Variants in FLACC1 observed in about 807,000 individuals in gnomAD.
The protein encoded by FLACC1 is flagellum-associated coiled-coil domain-containing protein 1.
In FLACC1, 66 loss-of-function variants were observed where a neutral mutation model predicts 62.8. The observed-to-expected ratio is 1.05, with a 90% confidence interval of 0.86 to 1.29. FLACC1 has a LOEUF of 1.29. FLACC1 is among the 50% of genes most tolerant of loss of function. The pLI is 0.00. For missense variants in FLACC1, 452 were observed against 489.1 expected, an observed-to-expected ratio of 0.92 and a Z score of 0.71; for synonymous variants, 156 against 161.0, an observed-to-expected ratio of 0.97 and a Z score of 0.24.
intron 6 of FLACC1, 107 bp from the exon 7 acceptor site, chr2:201,342,538 T>C (rs2125610760): frequency 9.1e-7 from 1 of 1,097,492 alleles, no homozygotes; most frequent in Non-Finnish European, 1.4e-6. Context: ...CGCCTTCCAA[T>C]TCATGGGGCA....
chr2:201,342,858 A>G (rs1950839346), intron 6 of FLACC1, among the ~76,000 whole-genome samples: 1 of 152,234 alleles, frequency 6.6e-6, no homozygotes, highest in South Asian at 2.1e-4. Context: ...CCTTCGAGGA[A>G]CTTAAAATCT....
chr2:201,313,876 C>T (rs573987204), intron 9 of FLACC1, among the ~76,000 whole-genome samples: 5 of 152,338 alleles, frequency 3.3e-5, no homozygotes, highest in African/African-American at 1.2e-4. Context: ...ACAGATGGTT[C>T]ACATCACAGG....
chr2:201,343,996 A>G (rs922982990), intron 6 of FLACC1, among the ~76,000 whole-genome samples, 174 bp downstream of exon 6: 1 of 152,262 alleles, frequency 6.6e-6, no homozygotes, highest in South Asian at 2.1e-4. Flanking sequence ...AATTACAGAT[A>G]AAGATGTCAG....
At chr2:201,336,952 CTTCTT>C (rs1950708063) in intron 7 of FLACC1, among the ~76,000 whole-genome samples, 2 of 152,116 alleles carry the variant, frequency 1.3e-5, no homozygotes, top group African/African-American at 4.8e-5. Context: ...TAAGAAATGT[CTTCTT>C]TTAAGAAATG....
chr2:201,355,440 ACAAT>A lies in FLACC1; in HGVS notation c.-48+1538_-48+1541del, dbSNP rs901211117. On this transcript the variant is annotated intron_variant, in intron 1 of 14. Coordinates refer to ENST00000392257, the MANE Select transcript of FLACC1 (RefSeq NM_001127391.3). ...AGCAGAGGTAAATTGTATGGGTGAT[ACAAT>A]CACTCAGTGGAGTTTTACATAGATT... Among the ~76,000 whole-genome samples, 48 of 152,344 alleles carry A rather than the reference ACAAT, an allele frequency of 3.2e-4. 1 individual carries two copies. The highest frequency in any genetic ancestry group is 1.1e-3 in the African/African-American group (45 of 41,578).
chr2:201,295,345 A>G (rs1487673446), intron 12 of FLACC1, among the ~76,000 whole-genome samples: 1 of 152,210 alleles, frequency 6.6e-6, no homozygotes, highest in Admixed American at 6.5e-5. Context: ...CAGAGCCCTC[A>G]GAAATAATGC....
At chr2:201,309,010 T>G in intron 10 of FLACC1, 141 bp downstream of exon 10, 1 of 702,088 alleles carries the variant, frequency 1.4e-6, no homozygotes, top group Non-Finnish European at 2.5e-6. Context: ...ATGAAAACTC[T>G]GGGCACCTTC....
chr2:201,338,122 G>A (rs1216596555), intron 7 of FLACC1, among the ~76,000 whole-genome samples: 1 of 151,992 alleles, frequency 6.6e-6, no homozygotes, highest in Non-Finnish European at 1.5e-5. Context: ...CACCTTTTTG[G>A]TTAAATTTAT....
chr2:201,352,309 TAC>T (rs1951042974), intron 1 of FLACC1, among the ~76,000 whole-genome samples: 2 of 152,200 alleles, frequency 1.3e-5, no homozygotes, highest in Admixed American at 1.3e-4. Flanking sequence ...CTTCTTGAAT[TAC>T]AGAGTGGAAA....
intron 11 of FLACC1, among the ~76,000 whole-genome samples, chr2:201,301,002 A>G (rs1243591379): frequency 6.6e-6 from 1 of 152,246 alleles, no homozygotes; most frequent in Admixed American, 6.5e-5. Flanking sequence ...TGAAAATTTT[A>G]AAAATCAGAG....
intron 8 of FLACC1, 103 bp downstream of exon 8, chr2:201,330,633 G>T (rs1950574632): frequency 1.3e-6 from 2 of 1,523,372 alleles, no homozygotes; most frequent in Admixed American, 3.6e-5. Context: ...CATCACCAAG[G>T]TAGTAAAACC....
intron 14 of FLACC1, among the ~76,000 whole-genome samples, chr2:201,289,094 G>A (rs1217307564): frequency 6.6e-6 from 1 of 152,206 alleles, no homozygotes; most frequent in Non-Finnish European, 1.5e-5. Flanking sequence ...ATTTCCATAG[G>A]AACCAGAAGC....
chr2:201,293,106 A>C (rs1274137607), intron 12 of FLACC1, among the ~76,000 whole-genome samples: 2 of 152,188 alleles, frequency 1.3e-5, no homozygotes, highest in Non-Finnish European at 2.9e-5. Context: ...AACATTAGAC[A>C]GCTCCACGAG....
At chr2:201,290,309 T>C (rs958036491) in intron 12 of FLACC1, among the ~76,000 whole-genome samples, 1 of 152,124 alleles carries the variant, frequency 6.6e-6, no homozygotes, top group Non-Finnish European at 1.5e-5. Flanking sequence ...TGCATCCACA[T>C]TGGCTCATCA....
intron 11 of FLACC1, among the ~76,000 whole-genome samples, chr2:201,303,711 C>T (rs903444344): frequency 3.3e-5 from 5 of 152,204 alleles, no homozygotes; most frequent in African/African-American, 1.2e-4. Flanking sequence ...TCCAGGATCA[C>T]ATCAAAGAGC....
chr2:201,324,265 G>A (rs2125585335), intron 9 of FLACC1, among the ~76,000 whole-genome samples: 1 of 152,144 alleles, frequency 6.6e-6, no homozygotes, highest in South Asian at 2.1e-4. Context: ...AGACAAAGAT[G>A]GTCAATATAA....
chr2:201,333,700 C>T (rs1950638891), intron 7 of FLACC1, among the ~76,000 whole-genome samples: 1 of 152,026 alleles, frequency 6.6e-6, no homozygotes, highest in Non-Finnish European at 1.5e-5. Flanking sequence ...TGATGGTTTC[C>T]AGCTTCACCC....
chr2:201,293,775 C>T (rs1445613717), intron 12 of FLACC1, among the ~76,000 whole-genome samples: 1 of 150,428 alleles, frequency 6.6e-6, no homozygotes, highest in Non-Finnish European at 1.5e-5. Flanking sequence ...AGAATGCTAG[C>T]AAGACTAATA....
At chr2:201,323,598 C>A (rs1454575873) in intron 9 of FLACC1, among the ~76,000 whole-genome samples, 1 of 151,938 alleles carries the variant, frequency 6.6e-6, no homozygotes, top group Non-Finnish European at 1.5e-5. Context: ...ACCAGCCTGG[C>A]CACATGGCAA....
Sources: gnomAD v4.1 joint callset for allele counts (sites outside exome capture counted in the v4.1 genomes callset) on GRCh38, gnomAD v4.1.1 for gene constraint, MANE v1.5 for transcripts, NCBI Gene and HGNC (gene_info 2026-07-23, HGNC 2026-07-21) for gene names.